Variants in SNX29 observed in about 807,000 individuals in gnomAD.
SNX29 encodes sorting nexin 29.
Under a neutral mutation model 102.1 loss-of-function variants are expected in SNX29, and 78 were observed. The observed-to-expected ratio is 0.76, with a 90% confidence interval of 0.64 to 0.92. The LOEUF is 0.92. Among genes scored for constraint, SNX29 ranks in the 40% least tolerant of loss-of-function variants. The probability of loss-of-function intolerance (pLI) is 0.00; values close to 1 mark genes in which losing one functional copy is unlikely to be tolerated. For synonymous variants in SNX29, 580 were observed against 414.5 expected, an observed-to-expected ratio of 1.40 and a Z score of -4.85; for missense variants, 1,280 against 1,061.7, an observed-to-expected ratio of 1.21 and a Z score of -2.86.
rs915590328 is a variant in SNX29, at chr16:12,162,891, C to CT, written c.1595+33143dup. 3.5e-3 allele frequency among the ~76,000 whole-genome samples: 517 copies of CT among 149,218 alleles called. 3 individuals carry two copies. Among genetic ancestry groups the CT allele is most frequent in the African/African-American group, 9.7e-3 (392 of 40,528 alleles). On this transcript the variant is annotated intron_variant, in intron 13 of 20. Coordinates refer to ENST00000566228, the MANE Select transcript of SNX29 (RefSeq NM_032167.5). ...ACAACATAGTTGTTGCTTTGTTTTT[C>CT]TTTTTTTTTTGAGACAGTCTCACTC...
At chr16:12,299,946 C>A (rs970154625) in intron 15 of SNX29, among the ~76,000 whole-genome samples, 1 of 152,180 alleles carries the variant, frequency 6.6e-6, no homozygotes, top group African/African-American at 2.4e-5. Flanking sequence ...TCTTGGCTCA[C>A]TGCAACCTCC....
intron 20 of SNX29, among the ~76,000 whole-genome samples, chr16:12,550,845 GCAGTATTTT>G (rs1318520431): frequency 1.3e-5 from 2 of 152,210 alleles, no homozygotes; most frequent in African/African-American, 4.8e-5. Flanking sequence ...TGATTTTTGA[GCAGTATTTT>G]CATGATAGAC....
intron 18 of SNX29, among the ~76,000 whole-genome samples, chr16:12,453,600 T>TGAACTCCTGGTCTC (rs2086402783): frequency 6.6e-6 from 1 of 152,108 alleles, no homozygotes; most frequent in Non-Finnish European, 1.5e-5. Flanking sequence ...AGGCTGGTCT[T>TGAACTCCTGGTCTC]GAACTCCTGG....
chr16:12,380,596 TCCACCCATCCACC>T, intron 16 of SNX29, among the ~76,000 whole-genome samples: 1 of 83,256 alleles, frequency 1.2e-5, no homozygotes, highest in East Asian at 4.3e-4. Context: ...CCACCATCCA[TCCACCCATCCACC>T]ATCCATCCAT....
intron 19 of SNX29, among the ~76,000 whole-genome samples, chr16:12,508,665 C>T (rs1375095616): frequency 6.6e-6 from 1 of 152,220 alleles, no homozygotes; most frequent in African/African-American, 2.4e-5. Context: ...TCCTGGTGCC[C>T]TCTGTTAAGC....
intron 11 of SNX29, among the ~76,000 whole-genome samples, chr16:12,089,327 T>G (rs1256945721): frequency 6.6e-6 from 1 of 151,242 alleles, no homozygotes; most frequent in Admixed American, 6.6e-5. Context: ...CAAGACCGTC[T>G]CAAAAAATAA....
Position 12,440,078 on chromosome 16 carries a change from G to A in SNX29, c.2037+36549G>A, listed in dbSNP as rs569915688. Among the ~76,000 whole-genome samples, 6 of 152,266 alleles carry A rather than the reference G, an allele frequency of 3.9e-5. No homozygotes were observed. The South Asian group carries it at 8.3e-4, about 21-fold the overall frequency. ...AAATGGGAATGTCACCCACCCCACC[G>A]GATTGACTCGAGACTGAAAGAAGCT... On this transcript the variant is annotated intron_variant, in intron 18 of 20. Coordinates refer to ENST00000566228, the MANE Select transcript of SNX29 (RefSeq NM_032167.5).
At chr16:12,564,846 A>G (rs373832175) in intron 20 of SNX29, among the ~76,000 whole-genome samples, 1 of 151,710 alleles carries the variant, frequency 6.6e-6, no homozygotes, top group African/African-American at 2.4e-5. Context: ...GTCGGCAGCT[A>G]ACAAGGGCTA....
At chr16:12,183,598 A>G (rs2076443471) in intron 13 of SNX29, among the ~76,000 whole-genome samples, 1 of 152,226 alleles carries the variant, frequency 6.6e-6, no homozygotes, top group Non-Finnish European at 1.5e-5. Flanking sequence ...TTTCCGAAGA[A>G]CAAGGATATT....
At chr16:12,541,560 T>G (rs1267633446) in intron 20 of SNX29, among the ~76,000 whole-genome samples, 2 of 152,164 alleles carry the variant, frequency 1.3e-5, no homozygotes, top group Non-Finnish European at 2.9e-5. Context: ...CTTTTCAAGC[T>G]GCCAAATTGC....
At chr16:12,018,056 C>A (rs2056902903) in intron 3 of SNX29, among the ~76,000 whole-genome samples, 1 of 152,076 alleles carries the variant, frequency 6.6e-6, no homozygotes, top group Non-Finnish European at 1.5e-5. Flanking sequence ...CAGGTACCTG[C>A]CACCACGCCT....
chr16:12,389,811 A>G (rs1196104636), intron 16 of SNX29, among the ~76,000 whole-genome samples: 5 of 152,186 alleles, frequency 3.3e-5, no homozygotes, highest in East Asian at 1.9e-4. Context: ...GAGGCTAAAA[A>G]CAACCACAGA....
intron 16 of SNX29, among the ~76,000 whole-genome samples, chr16:12,377,874 C>G (rs931156946): frequency 2.0e-5 from 3 of 152,174 alleles, no homozygotes; most frequent in Non-Finnish European, 4.4e-5. Flanking sequence ...TCCACAATCT[C>G]TCCTTGGCAA....
chr16:12,108,938 G>C (rs1477751151), intron 11 of SNX29, among the ~76,000 whole-genome samples: 1 of 151,898 alleles, frequency 6.6e-6, no homozygotes, highest in East Asian at 1.9e-4. Flanking sequence ...GAGCAGCCTG[G>C]CCAAGATGGT....
intron 14 of SNX29, among the ~76,000 whole-genome samples, chr16:12,244,392 T>G (rs556120000): frequency 1.5e-3 from 231 of 152,292 alleles, no homozygotes; most frequent in African/African-American, 5.0e-3. Flanking sequence ...GAAGATCACT[T>G]GCAGTCAGGA....
intron 11 of SNX29, among the ~76,000 whole-genome samples, chr16:12,106,246 T>C (rs1338238021): frequency 6.6e-6 from 1 of 152,030 alleles, no homozygotes; most frequent in Non-Finnish European, 1.5e-5. Flanking sequence ...ATTGCATCGG[T>C]GGTGTGTCAG....
chr16:12,405,376 G>A (rs753363820), intron 18 of SNX29, among the ~76,000 whole-genome samples: 6 of 152,102 alleles, frequency 3.9e-5, no homozygotes, highest in Non-Finnish European at 5.9e-5. Context: ...GGCCACTGTG[G>A]CAGTGAAGCC....
intron 20 of SNX29, among the ~76,000 whole-genome samples, chr16:12,552,979 G>A (rs980172907): frequency 1.3e-5 from 2 of 152,234 alleles, no homozygotes; most frequent in African/African-American, 2.4e-5. Flanking sequence ...AGTGCAGCAG[G>A]CACTGTCTGA....
chr16:12,559,588 C>A (rs375888346), intron 20 of SNX29, among the ~76,000 whole-genome samples: 2 of 151,932 alleles, frequency 1.3e-5, no homozygotes, highest in East Asian at 3.9e-4. Context: ...TCCCTGGTGC[C>A]AAAAAGGTTG....
Sources: allele counts gnomAD v4.1 joint callset (sites outside exome capture counted in the v4.1 genomes callset), GRCh38; gene constraint gnomAD v4.1.1; transcripts MANE v1.5; gene names NCBI Gene and HGNC (gene_info 2026-07-23, HGNC 2026-07-21).